ALDH4A1: variants seen among roughly 807,000 people sequenced by gnomAD.
The protein encoded by ALDH4A1 is delta-1-pyrroline-5-carboxylate dehydrogenase, mitochondrial.
A neutral mutation model predicts 70.5 loss-of-function variants in ALDH4A1; 46 were observed. The observed-to-expected ratio is 0.65, with a 90% CI of 0.51 to 0.83. The LOEUF (loss-of-function observed/expected upper bound fraction) is 0.83. Ranked by LOEUF, ALDH4A1 falls within the 40% of genes least tolerant of loss-of-function variation. The pLI, the probability that ALDH4A1 is intolerant of heterozygous loss-of-function variation, is 0.00. For synonymous variants in ALDH4A1, 323 were observed against 324.3 expected, an observed-to-expected ratio of 1.00 and a Z score of 0.04; for missense variants, 749 against 766.5, an observed-to-expected ratio of 0.98 and a Z score of 0.27.
In ALDH4A1 at chr1:18,877,494, A is replaced by AC; in HGVS notation, c.1058dup (p.Leu354SerfsTer40). The stretch of plus-strand genomic sequence containing the variant: ...GCCACAGCGAGTGCGGCACGTAGAG[A>AC]CGCGAGCACGCGGAACACTTCTGGC... On this transcript the variant is annotated frameshift_variant, in exon 10 of 15. Coordinates refer to ENST00000375341, the MANE Select transcript of ALDH4A1 (RefSeq NM_003748.4). LOFTEE classifies it high-confidence loss of function. The AC allele has an allele frequency of 6.2e-7, 1 of 1,605,374 alleles. No homozygotes were observed. The highest frequency in any genetic ancestry group is 8.5e-7 in the Non-Finnish European group (1 of 1,176,330).
Position 18,877,582 on chromosome 1 carries a change from T to C in ALDH4A1, c.971A>G (p.His324Arg), listed in dbSNP as rs1934767981. ...ECGGKNFHFV[H>R]RSADVESVVS... The stretch of plus-strand genomic sequence containing the variant: ...CACGCTCTCCACGTCGGCCGAGCGG[T>C]GCACGAAGTGGAAGTTCTTTCCGCC... The change falls in exon 10 of 15, where the codon CAC becomes CGC. Residue 324 changes from histidine (H) to arginine (R), a missense_variant. Coordinates refer to ENST00000375341, the MANE Select transcript of ALDH4A1 (RefSeq NM_003748.4). The C allele has an allele frequency of 6.6e-7, 1 of 1,520,314 alleles. No individual in the cohort carries two copies. The highest frequency in any genetic ancestry group is 1.1e-5 in the South Asian group (1 of 89,978). 94.2% of individuals were successfully genotyped at this position (1,520,314 alleles called of 1,614,324 possible). A position where few individuals can be genotyped will look rare whatever the true frequency, so the allele number is the denominator to read the frequency against.
chr1:18,882,660 C>A (rs1227806491), intron 7 of ALDH4A1: 1 of 542,844 alleles, frequency 1.8e-6, no homozygotes, highest in South Asian at 1.4e-5. Flanking sequence ...AGAGTCACAA[C>A]TCCCTCTCGA....
At chr1:18,901,786 C>A (rs1935806822) in intron 1 of ALDH4A1, among the ~76,000 whole-genome samples, 1 of 152,142 alleles carries the variant, frequency 6.6e-6, no homozygotes, top group African/African-American at 2.4e-5. Context: ...GTTCAGTGCA[C>A]TCCCCATGTA....
At chr1:18,897,433 C>G (rs61759272) in intron 1 of ALDH4A1, among the ~76,000 whole-genome samples, 22,780 of 152,198 alleles carry the variant, frequency 0.15, 2,085 homozygotes, top group Admixed American at 0.22. Context: ...GTCTCAGCTA[C>G]TTAGGAGGCT....
rs1445746002 is a variant in ALDH4A1, at chr1:18,901,849, G to A, written c.62+613C>T. 2.7e-5 allele frequency among the ~76,000 whole-genome samples: 4 copies of A among 149,788 alleles called. No homozygotes were observed. In the East Asian group the frequency reaches 8.1e-4, roughly 30 times the overall value. ...CTGCCAATTGCCCGGCCAGCATTTGGTTCATTATAAGCACTCTATAAATAT... is the reference window on the plus strand; with the variant it reads ...CTGCCAATTGCCCGGCCAGCATTTGATTCATTATAAGCACTCTATAAATAT... On this transcript the variant is annotated intron_variant, in intron 1 of 14. Coordinates refer to ENST00000375341, the MANE Select transcript of ALDH4A1 (RefSeq NM_003748.4).
chr1:18,893,193 G>C (rs1398771350), intron 1 of ALDH4A1, among the ~76,000 whole-genome samples: 1 of 152,186 alleles, frequency 6.6e-6, no homozygotes, highest in African/African-American at 2.4e-5. Flanking sequence ...AAATCCGGAG[G>C]CAAAGCTCAC....
chr1:18,875,219 T>C (rs753431476), intron 13 of ALDH4A1, among the ~76,000 whole-genome samples, 163 bp downstream of exon 13: 1 of 152,136 alleles, frequency 6.6e-6, no homozygotes, highest in Non-Finnish European at 1.5e-5. Flanking sequence ...CCTGCTGCTG[T>C]GGGCCCATGT....
Position 18,880,179 on chromosome 1 carries a change from A to C in ALDH4A1, c.867-806T>G, listed in dbSNP as rs1181742864. On this transcript the variant is annotated intron_variant, in intron 8 of 14. Coordinates refer to ENST00000375341, the MANE Select transcript of ALDH4A1 (RefSeq NM_003748.4). The surrounding 1 kb of genome is among the most constrained non-coding windows in gnomAD (Gnocchi z 5.1). ...CACCACCCACTCCCACCCCCAGCAA[A>C]GCTGCGGGGAAGGGGGTGGCAGAGC... Among the ~76,000 whole-genome samples the C allele has an allele frequency of 6.6e-6, 1 of 152,056 alleles. No individual in the cohort carries two copies. Among genetic ancestry groups the C allele is most frequent in the Non-Finnish European group, 1.5e-5 (1 of 67,986 alleles).
intron 1 of ALDH4A1, among the ~76,000 whole-genome samples, chr1:18,891,069 CCCCCTA>C (rs1482789542): frequency 2.6e-5 from 4 of 152,210 alleles, no homozygotes; most frequent in Non-Finnish European, 5.9e-5. Flanking sequence ...CTTTCCACCA[CCCCCTA>C]CCACATCTGA....
rs79920636 is a variant in ALDH4A1 at position 18,889,386 on chromosome 1, C to T, written c.225G>A (p.Thr75=). The stretch of plus-strand genomic sequence containing the variant: ...CCGACACTTGGTACTGCACGTCCGA[C>T]GTCCACACCTCCTCATCCCCCACCA... The part of the protein sequence containing the change: ...PCVVGDEEVW[T]SDVQYQVSPF... Residue 75 remains threonine (T), a synonymous_variant, in exon 3 of 15, where the codon ACG becomes ACA. Coordinates refer to ENST00000375341, the MANE Select transcript of ALDH4A1 (RefSeq NM_003748.4). 1,408 of 1,552,752 alleles carry T rather than the reference C, an allele frequency of 9.1e-4. 14 individuals are homozygous for T. The African/African-American group carries it at 0.017, about 19-fold the overall frequency.
At chr1:18,882,666 C>T (rs778984875) in intron 7 of ALDH4A1, 1 of 543,910 alleles carries the variant, frequency 1.8e-6, no homozygotes, top group East Asian at 5.3e-5. Flanking sequence ...ACAACTCCCT[C>T]TCGAAGCTGC....
chr1:18,882,803 T>G (rs1935034365), intron 7 of ALDH4A1: 2 of 591,718 alleles, frequency 3.4e-6, no homozygotes, highest in Admixed American at 4.3e-5. Flanking sequence ...GGGCCAGCCC[T>G]GCCTGCTGCT....
At chr1:18,875,784 A>G (rs1326890103) in intron 12 of ALDH4A1, among the ~76,000 whole-genome samples, 3 of 152,342 alleles carry the variant, frequency 2.0e-5, no homozygotes, top group African/African-American at 7.2e-5. Flanking sequence ...CTAAGGGTCC[A>G]GGTCCCAGAG....
At chr1:18,882,471 C>T in intron 7 of ALDH4A1, 2 of 484,366 alleles carry the variant, frequency 4.1e-6, no homozygotes. Context: ...AGGCCTGGGA[C>T]TTCATCCAGT....
intron 12 of ALDH4A1, among the ~76,000 whole-genome samples, chr1:18,875,769 G>A (rs986621298): frequency 6.6e-6 from 1 of 152,168 alleles, no homozygotes; most frequent in Non-Finnish European, 1.5e-5. Flanking sequence ...CCCACACCCG[G>A]AGAACTAAGG....
At chr1:18,900,337 C>T (rs1037154075) in intron 1 of ALDH4A1, among the ~76,000 whole-genome samples, 3 of 152,190 alleles carry the variant, frequency 2.0e-5, no homozygotes, top group African/African-American at 7.2e-5. Context: ...ACTGTTTCTC[C>T]ATAAATGCAG....
rs1461043018 is a variant in ALDH4A1, at chr1:18,879,290, C to CA, written c.940+9dup. The CA allele has an allele frequency of 6.2e-7, 1 of 1,602,992 alleles. No individual in the cohort carries two copies. The highest frequency in any genetic ancestry group is 8.5e-7 in the Non-Finnish European group (1 of 1,174,892). ...GGCCACACGGGAGGAGGAGGTGAGG[C>CA]AGGCCTTACCTCCAGCCAGGCGTGG... On this transcript the variant is annotated intron_variant, in intron 9 of 14. Coordinates refer to ENST00000375341, the MANE Select transcript of ALDH4A1 (RefSeq NM_003748.4).
At position 18,872,573 on chromosome 1, in the gene ALDH4A1, G is replaced by T; in HGVS notation, c.*272C>A. 2.8e-6 allele frequency: 1 copy of T among 355,570 alleles called. No homozygotes were observed. The allele number at this position is 355,570 out of a possible 1,614,324, so 22.0% of individuals were successfully genotyped here. ...TCCCTGAGCCACTGGGCCCAGTGGA[G>T]GGCAGAGGGAGAACCTGCCAGGCAC... On this transcript the variant is annotated 3_prime_UTR_variant, in exon 15 of 15. Coordinates refer to ENST00000375341, the MANE Select transcript of ALDH4A1 (RefSeq NM_003748.4).
chr1:18,881,180 A>G (rs1221035396), intron 8 of ALDH4A1, among the ~76,000 whole-genome samples: 1 of 151,824 alleles, frequency 6.6e-6, no homozygotes, highest in Admixed American at 6.6e-5. Flanking sequence ...CCCAAACTCC[A>G]CACTCCAGCC....
Sources: allele counts gnomAD v4.1 joint callset (sites outside exome capture counted in the v4.1 genomes callset), GRCh38; gene constraint gnomAD v4.1.1; non-coding constraint Gnocchi (gnomAD v3.1); transcripts MANE v1.5; gene names NCBI Gene and HGNC (gene_info 2026-07-23, HGNC 2026-07-21).